CIZ1: variants seen among roughly 807,000 people sequenced by gnomAD.
CIZ1 encodes the protein cip1-interacting zinc finger protein.
In CIZ1, 58 loss-of-function variants were observed where a neutral mutation model predicts 118.6. The ratio of observed to expected loss-of-function variants is 0.49; its 90% CI spans 0.40 to 0.61. The LOEUF (loss-of-function observed/expected upper bound fraction) is 0.61, where lower values mean the gene tolerates loss of function less well. Ranked by LOEUF, CIZ1 falls within the 20% of genes least tolerant of loss-of-function variation. CIZ1 has a pLI of 0.00. For synonymous variants in CIZ1, 448 were observed against 443.4 expected (o/e 1.01, Z -0.13); for missense variants, 921 against 1,115.9 (o/e 0.83, Z 2.49).
chr9:128,196,639 C>T (rs1480610276), upstream of CIZ1, among the ~76,000 whole-genome samples: 2 of 152,034 alleles, frequency 1.3e-5, no homozygotes, highest in African/African-American at 4.8e-5. Flanking sequence ...GAGTCTCGCT[C>T]TGTCTTCAGG....
At chr9:128,173,766 G>A (rs1030461486) in intron 11 of CIZ1, among the ~76,000 whole-genome samples, 1 of 152,026 alleles carries the variant, frequency 6.6e-6, no homozygotes. Flanking sequence ...CAGCACTTTG[G>A]GAGGCCAAGG....
chr9:128,169,498 G>T lies in CIZ1; in HGVS notation c.2053C>A (p.Pro685Thr). Residue 685 changes from proline to threonine, a missense_variant, in exon 13 of 17, where the codon CCC becomes ACC. Coordinates refer to ENST00000372938, the MANE Select transcript of CIZ1 (RefSeq NM_001131016.2). ...TAGCGGTTGCAAACGGTGCAGAAGGGTCGCAAGGATTGTTTGGCAATCTGG... is the reference window on the plus strand; with the variant it reads ...TAGCGGTTGCAAACGGTGCAGAAGGTTCGCAAGGATTGTTTGGCAATCTGG... ...DHKIAKQSLR[P>T]FCTVCNRYFK... 2 of 1,614,200 alleles carry T rather than the reference G, an allele frequency of 1.2e-6. No individual in the cohort carries two copies. Among genetic ancestry groups the T allele is most frequent in the African/African-American group, 1.3e-5 (1 of 75,052 alleles).
At chr9:128,172,147 CAAAAAAAAAAA>C (rs58895140) in intron 11 of CIZ1, among the ~76,000 whole-genome samples, 6 of 69,172 alleles carry the variant, frequency 8.7e-5, no homozygotes, top group South Asian at 1.2e-3. Context: ...GACACTGTCT[CAAAAAAAAAAA>C]AAAAAAAAAA....
chr9:128,181,518 A>C (rs2130970561), intron 5 of CIZ1, among the ~76,000 whole-genome samples: 1 of 152,316 alleles, frequency 6.6e-6, no homozygotes, highest in South Asian at 2.1e-4. Context: ...GATAATCCTC[A>C]CTCAATAATC....
At chr9:128,169,354 C>T in intron 13 of CIZ1, 52 bp downstream of exon 13, 1 of 1,468,232 alleles carries the variant, frequency 6.8e-7, no homozygotes, top group East Asian at 2.7e-5. Context: ...ACAGCCTTGG[C>T]CAAGGCTCTG....
chr9:128,179,479 AGGC>A (rs1338767889), intron 7 of CIZ1, 64 bp from the exon 8 acceptor site: 17 of 1,461,330 alleles, frequency 1.2e-5, no homozygotes, highest in Non-Finnish European at 1.6e-5. Context: ...CTCCCAAGTA[AGGC>A]CAAAACTAGG....
At chr9:128,179,524 G>C in intron 7 of CIZ1, 109 bp from the exon 8 acceptor site, 1 of 979,822 alleles carries the variant, frequency 1.0e-6, no homozygotes, top group Non-Finnish European at 1.5e-6. Flanking sequence ...TGTAAACCCA[G>C]CACTTTGGGA....
At chr9:128,200,623 A>T (rs1462480181) in intron 1 of CIZ1, among the ~76,000 whole-genome samples, 1 of 150,100 alleles carries the variant, frequency 6.7e-6, no homozygotes, top group African/African-American at 2.5e-5. Context: ...ACACCACTGC[A>T]CTCTAACCTG....
chr9:128,190,438 G>T lies in CIZ1; in HGVS notation c.177C>A (p.Leu59=). 2 of 1,611,518 alleles carry T rather than the reference G, an allele frequency of 1.2e-6. No homozygotes were observed. The highest frequency in any genetic ancestry group is 1.7e-6 in the Non-Finnish European group (2 of 1,178,404). The change falls in exon 3 of 17, where the codon CTC becomes CTA. Residue 59 remains leucine, a synonymous_variant. Transcript: ENST00000372938. ...GCGGCTGCTGTGGCTGCTGCGGGGG[G>T]AGCCCCCTGTGTGTTGGGAGGGGGT... ...APLPMAVSRG[L]PPQQPQQPLL...
rs1173432890 is a variant in CIZ1, at chr9:128,166,146, A to G, written c.*51T>C. The G allele has an allele frequency of 8.1e-7, 1 of 1,239,798 alleles. No individual in the cohort carries two copies. The highest frequency in any genetic ancestry group is 1.5e-5 in the African/African-American group (1 of 65,604). 76.8% of individuals were successfully genotyped at this position (1,239,798 alleles called of 1,614,324 possible). A position where few individuals can be genotyped will look rare whatever the true frequency, so the allele number is the denominator to read the frequency against. ...AAAGTTTCCAGGCAGACTCCTAAAA[A>G]GCATTAGCAGATCTGGACCCAGGCA... On this transcript the variant is annotated 3_prime_UTR_variant, in exon 17 of 17. Transcript: ENST00000372938. The surrounding 1 kb of genome is among the most constrained non-coding windows in gnomAD (Gnocchi z 4.4).
chr9:128,191,692 G>A, upstream of CIZ1: 2 of 1,291,656 alleles, frequency 1.5e-6, no homozygotes, highest in Non-Finnish European at 2.0e-6. This position sits in a 1 kb window ranked among gnomAD's most constrained non-coding sequence, Gnocchi z 5.5. Flanking sequence ...GGCGGCTGCG[G>A]GGCGCTAGCA....
Position 128,177,546 on chromosome 9 carries a change from C to CCAAAAACAGGA in CIZ1, c.1818+19_1818+20insTCCTGTTTTTG. On this transcript the variant is annotated intron_variant, in intron 10 of 16. Transcript: ENST00000372938. ...CACGCAGGCCCCACCCCTCCCCACCCTTATCTCCTGTATCAGTACCTGCTG... is the reference window on the plus strand; with the variant it reads ...CACGCAGGCCCCACCCCTCCCCACCCCAAAAACAGGATTATCTCCTGTATCAGTACCTGCTG... 7.4e-7 allele frequency: 1 copy of CCAAAAACAGGA among 1,353,458 alleles called. No individual in the cohort carries two copies. The highest frequency in any genetic ancestry group is 9.9e-7 in the Non-Finnish European group (1 of 1,013,754). 83.8% of individuals were successfully genotyped at this position (1,353,458 alleles called of 1,614,324 possible). A position where few individuals can be genotyped will look rare whatever the true frequency, so the allele number is the denominator to read the frequency against.
At chr9:128,170,167 G>C (rs1355234807) in intron 11 of CIZ1, 60 bp from the exon 12 acceptor site, 1 of 1,415,892 alleles carries the variant, frequency 7.1e-7, no homozygotes, top group African/African-American at 1.4e-5. Flanking sequence ...AGCTGTCTGA[G>C]AGCGCTCCAT....
At position 128,187,953 on chromosome 9, in the gene CIZ1, G is replaced by A. The variant is rs372639326; in HGVS notation, c.287-19C>T. The A allele has an allele frequency of 3.8e-5, 27 of 703,500 alleles. No individual in the cohort carries two copies. The highest frequency in any genetic ancestry group is 6.1e-5 in the Non-Finnish European group (23 of 377,064). 43.6% of individuals were successfully genotyped at this position (703,500 alleles called of 1,614,324 possible). A position where few individuals can be genotyped will look rare whatever the true frequency, so the allele number is the denominator to read the frequency against. ...TCCAGTCCTTTAGGAAAGCAATTCG[G>A]CAATACTTATCAAGAGCCATAAAAC... is the stretch of plus-strand genomic sequence containing the variant. On this transcript the variant is annotated intron_variant, in intron 3 of 16. Transcript: ENST00000372938.
intron 10 of CIZ1, 24 bp downstream of exon 10, chr9:128,177,542 C>CCCCCCCAAA: frequency 2.4e-6 from 3 of 1,229,494 alleles, no homozygotes; most frequent in Middle Eastern, 2.8e-4. Flanking sequence ...CACCCCTCCC[C>CCCCCCCAAA]ACCCTTATCT....
chr9:128,169,464 G>T lies in CIZ1; in HGVS notation c.2087C>A (p.Thr696Asn). The T allele has an allele frequency of 6.2e-7, 1 of 1,614,194 alleles. No individual in the cohort carries two copies. Among genetic ancestry groups the T allele is most frequent in the South Asian group, 1.1e-5 (1 of 91,092 alleles). Reference sequence around the variant, plus strand: ...CACGTGCTCCACAAACTTGCGAGGGGTTTTGAAGTAGCGGTTGCAAACGGT... The same window carrying T: ...CACGTGCTCCACAAACTTGCGAGGGTTTTTGAAGTAGCGGTTGCAAACGGT... ...FCTVCNRYFK[T>N]PRKFVEHVKS... Residue 696 changes from threonine (T) to asparagine (N), a missense_variant, in exon 13 of 17, where the codon ACC (threonine) becomes AAC (asparagine). Transcript: ENST00000372938.
intron 11 of CIZ1, among the ~76,000 whole-genome samples, chr9:128,175,717 C>T (rs937031471): frequency 6.6e-6 from 1 of 152,172 alleles, no homozygotes; most frequent in Non-Finnish European, 1.5e-5. Context: ...TTTCTGGATT[C>T]TTCTTAAAAC....
chr9:128,186,088 G>T (rs1363655307), intron 4 of CIZ1, among the ~76,000 whole-genome samples: 1 of 152,036 alleles, frequency 6.6e-6, no homozygotes, highest in Non-Finnish European at 1.5e-5. Context: ...GAGAGACTTA[G>T]CACAGCCCAT....
At position 128,177,602 on chromosome 9, in the gene CIZ1, G is replaced by A. The variant is rs1298855509; in HGVS notation, c.1782C>T (p.Phe594=). The change falls in exon 10 of 17, where the codon TTC becomes TTT. Residue 594 remains phenylalanine, a synonymous_variant. Transcript: ENST00000372938. ...AGCAGCTGGCCTTGCAGATGTAGCA[G>A]AAGAACTGGAGGGCCTGCTTAGAGG... ...STPSKQALQF[F]CYICKASCSS... The A allele has an allele frequency of 1.3e-6, 2 of 1,509,492 alleles. No individual in the cohort carries two copies. Among genetic ancestry groups the A allele is most frequent in the Non-Finnish European group, 1.8e-6 (2 of 1,118,684 alleles). The allele number at this position is 1,509,492 out of a possible 1,614,324, so 93.5% of individuals were successfully genotyped here. A position where few individuals can be genotyped will look rare whatever the true frequency, so the allele number is the denominator to read the frequency against.
Sources: gnomAD v4.1 joint callset for allele counts (sites outside exome capture counted in the v4.1 genomes callset) on GRCh38, gnomAD v4.1.1 for gene constraint, Gnocchi (gnomAD v3.1) non-coding constraint, MANE v1.5 for transcripts, NCBI Gene and HGNC (gene_info 2026-07-23, HGNC 2026-07-21) for gene names.